Variants in RBFOX1 observed in about 807,000 individuals in gnomAD.
RBFOX1 encodes RNA binding fox-1 homolog 1, also known as RNA binding protein fox-1 homolog 1.
Under a neutral mutation model 57.7 loss-of-function variants are expected in RBFOX1, and 8 were observed. The observed-to-expected ratio is 0.14, with a 90% CI of 0.08 to 0.25. RBFOX1 has a LOEUF of 0.25. Ranked by LOEUF, RBFOX1 falls within the 10% of genes least tolerant of loss-of-function variation. RBFOX1 has a pLI of 1.00. For missense variants in RBFOX1, 611 were observed against 548.5 expected, an observed-to-expected ratio of 1.11 and a Z score of -1.14; for synonymous variants, 326 against 222.4, an observed-to-expected ratio of 1.47 and a Z score of -4.15.
At chr16:6,749,457 G>T (rs192910298) in intron 3 of RBFOX1, among the ~76,000 whole-genome samples, 1 of 152,126 alleles carries the variant, frequency 6.6e-6, no homozygotes, top group East Asian at 1.9e-4. Flanking sequence ...ACTCATAACC[G>T]TCCGGGGAGG....
chr16:7,620,275 C>CA (rs1280330000), intron 10 of RBFOX1, among the ~76,000 whole-genome samples: 1 of 152,196 alleles, frequency 6.6e-6, no homozygotes, highest in Non-Finnish European at 1.5e-5. Flanking sequence ...ATCAAGTACA[C>CA]ATTTTTATCT....
At chr16:6,044,294 A>G (rs971068604) in intron 1 of RBFOX1, among the ~76,000 whole-genome samples, 2 of 152,176 alleles carry the variant, frequency 1.3e-5, no homozygotes, top group African/African-American at 2.4e-5. Flanking sequence ...TTCAGAAGCC[A>G]AGTGAAATTT....
At chr16:7,087,945 T>C (rs1650490213) in intron 4 of RBFOX1, among the ~76,000 whole-genome samples, 2 of 152,148 alleles carry the variant, frequency 1.3e-5, no homozygotes, top group South Asian at 2.1e-4. Flanking sequence ...AAATTGACTT[T>C]GGGGATAAAG....
chr16:6,830,982 A>G (rs1338547775), intron 3 of RBFOX1, among the ~76,000 whole-genome samples: 1 of 152,196 alleles, frequency 6.6e-6, no homozygotes, highest in Non-Finnish European at 1.5e-5. Flanking sequence ...AAGTTCTCCA[A>G]ATGTGGATGC....
At chr16:5,317,211 C>G (rs182302733) in intron 1 of RBFOX1, among the ~76,000 whole-genome samples, 3 of 152,282 alleles carry the variant, frequency 2.0e-5, no homozygotes, top group East Asian at 1.9e-4. Flanking sequence ...CTCTCTCTCT[C>G]TCAATCTCTC....
intron 1 of RBFOX1, among the ~76,000 whole-genome samples, chr16:6,147,266 A>G (rs1353937478): frequency 6.6e-6 from 1 of 152,062 alleles, no homozygotes; most frequent in East Asian, 1.9e-4. Context: ...GATGGTGGTG[A>G]TTGTTTTTCA....
rs1441941209 is a variant in RBFOX1, at chr16:5,946,204, C to A, written c.351+78869C>A. On this transcript the variant is annotated intron_variant, in intron 4 of 19. Coordinates refer to the RBFOX1 transcript ENST00000641259. The surrounding 1 kb of genome is among the most constrained non-coding windows in gnomAD (Gnocchi z 4.6). Reference sequence around the variant, plus strand: ...CAGACGGCCCGAGGTGGGGGCCAGGCTCTGCCACATTAGATGCCTTCACGT... The same window carrying A: ...CAGACGGCCCGAGGTGGGGGCCAGGATCTGCCACATTAGATGCCTTCACGT... Among the ~76,000 whole-genome samples, 1 of 152,210 alleles carries A rather than the reference C, an allele frequency of 6.6e-6. No homozygotes were observed. The highest frequency in any genetic ancestry group is 1.5e-5 in the Non-Finnish European group (1 of 68,042).
At chr16:5,243,362 G>A (rs2151061884) in intron 1 of RBFOX1, among the ~76,000 whole-genome samples, 1 of 152,320 alleles carries the variant, frequency 6.6e-6, no homozygotes, top group Non-Finnish European at 1.5e-5. Context: ...GTTGAAACCA[G>A]ATCAGGAAGG....
intron 3 of RBFOX1, among the ~76,000 whole-genome samples, chr16:5,772,268 T>C (rs1212253041): frequency 6.6e-6 from 1 of 152,154 alleles, no homozygotes; most frequent in African/African-American, 2.4e-5. Flanking sequence ...CCACAATACC[T>C]TGTGGAAAAC....
intron 4 of RBFOX1, among the ~76,000 whole-genome samples, chr16:5,949,398 C>T (rs969815584): frequency 4.6e-5 from 7 of 151,632 alleles, no homozygotes; most frequent in East Asian, 2.0e-4. Context: ...TGGTGGTGGG[C>T]GCCTGTAGTC....
At chr16:7,574,335 G>A (rs1013405704) in intron 5 of RBFOX1, among the ~76,000 whole-genome samples, 3 of 152,176 alleles carry the variant, frequency 2.0e-5, no homozygotes, top group African/African-American at 7.2e-5. Flanking sequence ...TAATAAAATA[G>A]ATGTTTATGT....
At chr16:6,349,316 A>C (rs1038507838) in intron 2 of RBFOX1, among the ~76,000 whole-genome samples, 6 of 151,952 alleles carry the variant, frequency 3.9e-5, no homozygotes, top group African/African-American at 1.5e-4. Flanking sequence ...CTGACATTTT[A>C]CCTCTTAGAA....
chr16:6,746,625 C>A (rs2073724458), intron 3 of RBFOX1, among the ~76,000 whole-genome samples: 3 of 151,890 alleles, frequency 2.0e-5, no homozygotes, highest in Non-Finnish European at 4.4e-5. Context: ...CTGCAGTGAC[C>A]TGTGATTGTG....
intron 3 of RBFOX1, among the ~76,000 whole-genome samples, chr16:6,868,760 T>G (rs934197734): frequency 6.6e-6 from 1 of 152,154 alleles, no homozygotes; most frequent in African/African-American, 2.4e-5. Context: ...CATGAGCCAT[T>G]GCACCCGGCC....
intron 3 of RBFOX1, among the ~76,000 whole-genome samples, chr16:6,857,753 G>A (rs1021127723): frequency 3.9e-5 from 6 of 152,122 alleles, no homozygotes; most frequent in Non-Finnish European, 7.4e-5. Flanking sequence ...GGAGAGCAGT[G>A]GAATGCGAAT....
At chr16:7,174,007 C>G (rs977146929) in intron 4 of RBFOX1, among the ~76,000 whole-genome samples, 3 of 152,158 alleles carry the variant, frequency 2.0e-5, no homozygotes, top group African/African-American at 7.2e-5. Context: ...TCACAGTGAA[C>G]TGGTTGGAGT....
At chr16:6,658,729 T>C (rs936789485) in intron 3 of RBFOX1, among the ~76,000 whole-genome samples, 4 of 152,126 alleles carry the variant, frequency 2.6e-5, no homozygotes, top group Non-Finnish European at 4.4e-5. Flanking sequence ...TAATGTGTAT[T>C]GGAGTGTGGC....
intron 4 of RBFOX1, among the ~76,000 whole-genome samples, chr16:7,388,221 C>A (rs534139188): frequency 5.7e-4 from 87 of 152,114 alleles, no homozygotes; most frequent in Non-Finnish European, 9.0e-4. Context: ...TCTACAGACA[C>A]ACAAGGTTGG....
chr16:7,185,071 G>C (rs562351467), intron 4 of RBFOX1, among the ~76,000 whole-genome samples: 2 of 152,286 alleles, frequency 1.3e-5, no homozygotes, highest in Non-Finnish European at 2.9e-5. Context: ...TAAGTACATG[G>C]AGGAATGTCC....
Sources: allele counts gnomAD v4.1 joint callset (sites outside exome capture counted in the v4.1 genomes callset), GRCh38; gene constraint gnomAD v4.1.1; non-coding constraint Gnocchi (gnomAD v3.1); transcripts MANE v1.5; gene names NCBI Gene and HGNC (gene_info 2026-07-23, HGNC 2026-07-21).